The following ZNF385D variants were observed in gnomAD, a reference collection of about 807,000 sequenced individuals.
The protein encoded by ZNF385D is zinc finger protein 385D, also known as zinc finger protein 659.
ZNF385D carries 15 observed loss-of-function variants against 35.8 expected under a neutral mutation model. The observed-to-expected ratio is 0.42, with a 90% CI of 0.28 to 0.64. ZNF385D has a LOEUF of 0.64. Ranked by LOEUF, ZNF385D falls within the 30% of genes least tolerant of loss-of-function variation. The pLI is 0.23. For missense variants in ZNF385D, 474 were observed against 494.6 expected, an observed-to-expected ratio of 0.96 and a Z score of 0.39; for synonymous variants, 212 against 186.8, an observed-to-expected ratio of 1.13 and a Z score of -1.10.
At chr3:22,020,302 T>C (rs1402730033) in intron 3 of ZNF385D, among the ~76,000 whole-genome samples, 2 of 151,952 alleles carry the variant, frequency 1.3e-5, no homozygotes, top group African/African-American at 4.8e-5. Context: ...AAATGCTGCA[T>C]GTATAGATTT....
chr3:21,968,190 C>A (rs926420586), intron 3 of ZNF385D, among the ~76,000 whole-genome samples: 2 of 152,088 alleles, frequency 1.3e-5, no homozygotes, highest in Non-Finnish European at 2.9e-5. Flanking sequence ...GGAACGCAGC[C>A]AATGCCACCA....
At chr3:22,266,124 C>A (rs1042658822) in intron 2 of ZNF385D, among the ~76,000 whole-genome samples, 2 of 151,904 alleles carry the variant, frequency 1.3e-5, no homozygotes, top group African/African-American at 4.8e-5. Flanking sequence ...CAACTGGATT[C>A]TTATTATCAT....
chr3:21,486,651 T>C (rs1705051714), intron 4 of ZNF385D, among the ~76,000 whole-genome samples: 1 of 152,064 alleles, frequency 6.6e-6, no homozygotes, highest in Non-Finnish European at 1.5e-5. Flanking sequence ...AAATGTAAAA[T>C]ATAAAAATGA....
intron 3 of ZNF385D, among the ~76,000 whole-genome samples, chr3:21,862,102 T>G (rs1697085390): frequency 6.6e-6 from 1 of 152,006 alleles, no homozygotes; most frequent in Non-Finnish European, 1.5e-5. Flanking sequence ...AAAAGTAGAG[T>G]AGGTAGTAGG....
At chr3:21,772,373 C>T (rs1012186513) in intron 3 of ZNF385D, among the ~76,000 whole-genome samples, 17 of 135,464 alleles carry the variant, frequency 1.3e-4, no homozygotes. Context: ...ACTCCTAAAA[C>T]TTAACAACAA....
At chr3:21,461,794 G>T (rs1030039843) in intron 4 of ZNF385D, among the ~76,000 whole-genome samples, 1 of 152,156 alleles carries the variant, frequency 6.6e-6, no homozygotes, top group African/African-American at 2.4e-5. Context: ...GAGAGGATAT[G>T]GATGGTCTCT....
intron 2 of ZNF385D, among the ~76,000 whole-genome samples, chr3:21,593,349 A>G (rs1451504514): frequency 6.6e-6 from 1 of 152,060 alleles, no homozygotes; most frequent in Non-Finnish European, 1.5e-5. Flanking sequence ...TCCTAGACAA[A>G]TCTTTTTTTC....
intron 2 of ZNF385D, among the ~76,000 whole-genome samples, chr3:22,343,262 TAAACA>T (rs1695504067): frequency 1.3e-5 from 2 of 152,328 alleles, no homozygotes; most frequent in Admixed American, 6.5e-5. Flanking sequence ...AATCACTCAC[TAAACA>T]AAACAAAACA....
intron 3 of ZNF385D, among the ~76,000 whole-genome samples, chr3:21,944,317 T>C (rs2125281866): frequency 6.6e-6 from 1 of 152,350 alleles, no homozygotes; most frequent in South Asian, 2.1e-4. Context: ...TACCAGAGGC[T>C]GTTAGGATCA....
chr3:22,101,892 G>T (rs914466889), intron 3 of ZNF385D, among the ~76,000 whole-genome samples: 1 of 151,572 alleles, frequency 6.6e-6, no homozygotes, highest in Admixed American at 6.6e-5. Context: ...ACAGCCCAGG[G>T]AGGCAAAGTG....
chr3:21,516,498 C>G (rs1481660891), intron 3 of ZNF385D, among the ~76,000 whole-genome samples: 1 of 152,068 alleles, frequency 6.6e-6, no homozygotes, highest in Non-Finnish European at 1.5e-5. Context: ...AAAGATGACT[C>G]TAAATCACTA....
Position 22,082,133 on chromosome 3 carries a change from T to C in ZNF385D, c.325+86684A>G, listed in dbSNP as rs148584324. Among the ~76,000 whole-genome samples the C allele has an allele frequency of 5.3e-3, 809 of 152,122 alleles. 8 individuals carry two copies. Among genetic ancestry groups the C allele is most frequent in the African/African-American group, 0.011 (460 of 41,504 alleles). ...CTCTGGTCTGCAGCTCCCAGAGTGA[T>C]TGACGCAGCAGATGGGTGATTTCTG... On this transcript the variant is annotated intron_variant, in intron 3 of 5. Transcript: ENST00000494108.
intron 4 of ZNF385D, among the ~76,000 whole-genome samples, chr3:21,487,662 A>C (rs1189220326): frequency 6.6e-6 from 1 of 152,048 alleles, no homozygotes; most frequent in African/African-American, 2.4e-5. Context: ...CTAGATCACA[A>C]CCTTCCCTAA....
At chr3:21,960,022 C>CAAA (rs34894053) in intron 3 of ZNF385D, among the ~76,000 whole-genome samples, 1 of 114,610 alleles carries the variant, frequency 8.7e-6, no homozygotes, top group Non-Finnish European at 1.8e-5. Flanking sequence ...GCACAGCCTC[C>CAAA]AAAAAAAAAA....
At chr3:21,482,267 A>G (rs941892478) in intron 4 of ZNF385D, among the ~76,000 whole-genome samples, 2 of 151,438 alleles carry the variant, frequency 1.3e-5, no homozygotes, top group African/African-American at 4.8e-5. Flanking sequence ...GTAAAGGGTG[A>G]CCCATGGGTC....
intron 3 of ZNF385D, among the ~76,000 whole-genome samples, chr3:21,920,519 C>A (rs561469521): frequency 2.0e-5 from 3 of 150,050 alleles, no homozygotes; most frequent in East Asian, 2.0e-4. Flanking sequence ...AGATAGAAAG[C>A]TGTGAGTCAT....
intron 3 of ZNF385D, among the ~76,000 whole-genome samples, chr3:21,553,731 G>T (rs937701764): frequency 6.6e-6 from 1 of 152,228 alleles, no homozygotes; most frequent in East Asian, 1.9e-4. Flanking sequence ...TGTCAATTAG[G>T]TTTATATAAT....
At chr3:21,458,145 T>C (rs1454000729) in intron 4 of ZNF385D, among the ~76,000 whole-genome samples, 1 of 151,894 alleles carries the variant, frequency 6.6e-6, no homozygotes, top group Non-Finnish European at 1.5e-5. Flanking sequence ...AGTAACTATA[T>C]AAAACCTAGG....
At chr3:21,749,603 A>G (rs1294039545) in intron 1 of ZNF385D, among the ~76,000 whole-genome samples, 1 of 152,194 alleles carries the variant, frequency 6.6e-6, no homozygotes, top group Non-Finnish European at 1.5e-5. Context: ...CTGGAAAGAG[A>G]TGGTTTTTAA....
Sources: gnomAD v4.1 joint callset for allele counts (sites outside exome capture counted in the v4.1 genomes callset) on GRCh38, gnomAD v4.1.1 for gene constraint, MANE v1.5 for transcripts, NCBI Gene and HGNC (gene_info 2026-07-23, HGNC 2026-07-21) for gene names.